Variants in NPAS3 observed in about 807,000 individuals in gnomAD.
NPAS3 encodes the protein neuronal PAS domain protein 3, also known as neuronal PAS domain-containing protein 3.
In NPAS3, 14 loss-of-function variants were observed where a neutral mutation model predicts 73.1. The observed-to-expected ratio is 0.19, with a 90% CI of 0.13 to 0.30. The LOEUF (loss-of-function observed/expected upper bound fraction) is 0.30. NPAS3 is among the 10% of genes least tolerant of loss of function. The probability of loss-of-function intolerance (pLI) is 1.00; values close to 1 mark genes in which losing one functional copy is unlikely to be tolerated. For missense variants in NPAS3, 1,096 were observed against 1,250.0 expected, an observed-to-expected ratio of 0.88 and a Z score of 1.86; for synonymous variants, 620 against 541.5, an observed-to-expected ratio of 1.14 and a Z score of -2.01.
At chr14:33,053,873 ATTC>A (rs1280795078) in intron 1 of NPAS3, among the ~76,000 whole-genome samples, 1 of 152,188 alleles carries the variant, frequency 6.6e-6, no homozygotes, top group Non-Finnish European at 1.5e-5. Flanking sequence ...AACATTGACT[ATTC>A]TTTAACTGCT....
rs563824623 is a variant in NPAS3, at chr14:33,742,468, G to A, written c.852+7136G>A. 7.6e-4 allele frequency among the ~76,000 whole-genome samples: 115 copies of A among 152,282 alleles called. 1 individual carries two copies. In the Middle Eastern group the frequency reaches 0.01, roughly 14 times the overall value. ...ACTGTAGTCTATTAAGTGTACAACAGCATTATTTCTAAAAATGAATGTGCA... is the reference window on the plus strand; with the variant it reads ...ACTGTAGTCTATTAAGTGTACAACAACATTATTTCTAAAAATGAATGTGCA... On this transcript the variant is annotated intron_variant, in intron 7 of 11. Transcript: ENST00000356141.
intron 3 of NPAS3, among the ~76,000 whole-genome samples, chr14:33,326,909 T>C: frequency 6.6e-6 from 1 of 152,300 alleles, no homozygotes; most frequent in Non-Finnish European, 1.5e-5. Context: ...TGGGGATGTA[T>C]GTGCAAAGGG....
chr14:33,067,635 T>C (rs1433277980), intron 2 of NPAS3, among the ~76,000 whole-genome samples: 2 of 152,220 alleles, frequency 1.3e-5, no homozygotes, highest in African/African-American at 4.8e-5. Context: ...GTTTTGTCTG[T>C]TTTACATGGA....
At chr14:33,372,393 G>A (rs1312884349) in intron 4 of NPAS3, among the ~76,000 whole-genome samples, 2 of 152,078 alleles carry the variant, frequency 1.3e-5, no homozygotes, top group East Asian at 3.9e-4. Flanking sequence ...AAAGTTTGGT[G>A]GGATCCCTTA....
intron 2 of NPAS3, among the ~76,000 whole-genome samples, chr14:33,207,567 G>A (rs184198248): frequency 6.6e-6 from 1 of 152,266 alleles, no homozygotes; most frequent in Admixed American, 6.5e-5. Context: ...TTCAATTTAT[G>A]TTTAAGAACT....
chr14:33,547,019 C>A (rs2054876871), intron 4 of NPAS3, among the ~76,000 whole-genome samples: 1 of 152,128 alleles, frequency 6.6e-6, no homozygotes, highest in Admixed American at 6.5e-5. Flanking sequence ...TGGAGAGGAG[C>A]AGCAAATGTC....
intron 4 of NPAS3, among the ~76,000 whole-genome samples, chr14:33,373,386 ATGTGTGTGTGTG>A (rs5807721): frequency 2.0e-5 from 3 of 147,134 alleles, no homozygotes; most frequent in Non-Finnish European, 3.0e-5. Context: ...ATTGAACTAT[ATGTGTGTGTGTG>A]TGTGTGTGTG....
At chr14:33,179,960 C>T (rs572173734) in intron 2 of NPAS3, among the ~76,000 whole-genome samples, 4 of 152,202 alleles carry the variant, frequency 2.6e-5, no homozygotes, top group South Asian at 4.2e-4. Flanking sequence ...TGTTGGCTAG[C>T]GATAAGATAT....
chr14:33,320,697 C>T (rs1312403482), intron 3 of NPAS3, among the ~76,000 whole-genome samples: 1 of 152,172 alleles, frequency 6.6e-6, no homozygotes, highest in Non-Finnish European at 1.5e-5. Context: ...GAGGGAAGCA[C>T]ATTCAGTGCA....
At chr14:33,175,286 T>C (rs2045546817) in intron 2 of NPAS3, among the ~76,000 whole-genome samples, 2 of 152,224 alleles carry the variant, frequency 1.3e-5, no homozygotes, top group African/African-American at 2.4e-5. Flanking sequence ...GTGAAATACC[T>C]ATTCTGTGGA....
intron 2 of NPAS3, among the ~76,000 whole-genome samples, chr14:33,189,066 A>T (rs1025295308): frequency 6.6e-6 from 1 of 152,164 alleles, no homozygotes; most frequent in African/African-American, 2.4e-5. Flanking sequence ...GTTGCACAAT[A>T]ATGAATTTAT....
chr14:33,697,497 G>A (rs1054086688), intron 6 of NPAS3, among the ~76,000 whole-genome samples: 2 of 152,130 alleles, frequency 1.3e-5, no homozygotes, highest in East Asian at 1.9e-4. Flanking sequence ...AAAGTTGGGG[G>A]CAATGTGTTT....
intron 4 of NPAS3, among the ~76,000 whole-genome samples, chr14:33,481,338 A>G (rs1239068908): frequency 6.6e-6 from 1 of 152,218 alleles, no homozygotes; most frequent in African/African-American, 2.4e-5. Flanking sequence ...ATGTGAAATC[A>G]AGTAGGAACT....
chr14:33,409,465 A>G (rs1294366036), intron 4 of NPAS3, among the ~76,000 whole-genome samples: 2 of 152,156 alleles, frequency 1.3e-5, no homozygotes, highest in East Asian at 1.9e-4. Flanking sequence ...TTTAATTGTC[A>G]TTACTATATT....
intron 5 of NPAS3, chr14:33,560,481 G>A: frequency 3.5e-6 from 1 of 286,014 alleles, no homozygotes; most frequent in Non-Finnish European, 6.5e-6. Flanking sequence ...TCTTCCCTTG[G>A]TTGTTTTGAA....
At chr14:33,095,503 A>G (rs888515696) in intron 2 of NPAS3, among the ~76,000 whole-genome samples, 28 of 152,114 alleles carry the variant, frequency 1.8e-4, no homozygotes, top group African/African-American at 6.8e-4. Context: ...AGAGATCTGA[A>G]AGAACTTCAT....
chr14:33,121,468 C>T (rs955429453), intron 2 of NPAS3, among the ~76,000 whole-genome samples: 1 of 152,116 alleles, frequency 6.6e-6, no homozygotes, highest in Non-Finnish European at 1.5e-5. Context: ...GAAGGCATGA[C>T]TCTTGTTCAC....
chr14:33,241,699 TGC>T (rs1274290553), intron 3 of NPAS3, among the ~76,000 whole-genome samples: 3 of 152,032 alleles, frequency 2.0e-5, no homozygotes, highest in Non-Finnish European at 4.4e-5. Flanking sequence ...ATATTCAGGC[TGC>T]TTTGACAGTA....
intron 3 of NPAS3, among the ~76,000 whole-genome samples, chr14:33,302,701 A>G (rs930897480): frequency 6.6e-6 from 1 of 152,212 alleles, no homozygotes; most frequent in Non-Finnish European, 1.5e-5. Flanking sequence ...GTTACGCTAC[A>G]TAACTCCTAC....
Sources: allele counts gnomAD v4.1 joint callset (sites outside exome capture counted in the v4.1 genomes callset), GRCh38; gene constraint gnomAD v4.1.1; transcripts MANE v1.5; gene names NCBI Gene and HGNC (gene_info 2026-07-23, HGNC 2026-07-21).